The following EEF1AKMT3 variants were observed in gnomAD, a reference collection of about 807,000 sequenced individuals.
The protein encoded by EEF1AKMT3 is EEF1A lysine methyltransferase 3.
In EEF1AKMT3, 17 loss-of-function variants were observed where a neutral mutation model predicts 17.8. The observed-to-expected ratio is 0.96, with a 90% confidence interval of 0.65 to 1.43. The LOEUF (loss-of-function observed/expected upper bound fraction) is 1.43. Ranked by LOEUF, EEF1AKMT3 falls within the 40% of genes most tolerant of loss-of-function variation. EEF1AKMT3 has a pLI of 0.00. For missense variants in EEF1AKMT3, 244 were observed against 285.8 expected, an observed-to-expected ratio of 0.85 and a Z score of 1.06; for synonymous variants, 116 against 126.5, an observed-to-expected ratio of 0.92 and a Z score of 0.56.
At chr12:57,777,235 G>C (rs1409356423) in intron 2 of EEF1AKMT3, among the ~76,000 whole-genome samples, 1 of 151,970 alleles carries the variant, frequency 6.6e-6, no homozygotes, top group East Asian at 1.9e-4. Context: ...GTAATATATG[G>C]AATATAAAAT....
In EEF1AKMT3 at chr12:57,773,187, C is replaced by A; in HGVS notation, c.289+59C>A. ...GGACCCAGGGGCGCGGAGAAATGGT[C>A]ACTTCGTGGATCTTTGGGGGAGAGG... On this transcript the variant is annotated intron_variant, in intron 2 of 2. Transcript: ENST00000300209. 4 of 1,510,030 alleles carry A rather than the reference C, an allele frequency of 2.6e-6. No homozygotes were observed. In the South Asian group the frequency reaches 4.5e-5, roughly 17 times the overall value. The allele number at this position is 1,510,030 out of a possible 1,614,324, so 93.5% of individuals were successfully genotyped here.
chr12:57,780,120 CT>C, intron 2 of EEF1AKMT3, 134 bp from the exon 3 acceptor site: 1 of 1,036,726 alleles, frequency 9.6e-7, no homozygotes, highest in Non-Finnish European at 1.4e-6. Context: ...GTTGAGGCAA[CT>C]AAAAGCCAGT....
chr12:57,774,817 G>T, intron 2 of EEF1AKMT3: 1 of 1,546,944 alleles, frequency 6.5e-7, no homozygotes, highest in Non-Finnish European at 8.8e-7. Flanking sequence ...AAACACTGGA[G>T]GGTGCCGGCC....
intron 2 of EEF1AKMT3, chr12:57,774,629 G>A: frequency 7.4e-7 from 1 of 1,343,428 alleles, no homozygotes. Context: ...TCTCCCCAAG[G>A]AGCTTATGGT....
intron 2 of EEF1AKMT3, among the ~76,000 whole-genome samples, chr12:57,776,461 C>G (rs1955480800): frequency 6.6e-6 from 1 of 152,206 alleles, no homozygotes; most frequent in South Asian, 2.1e-4. Flanking sequence ...CTAATTTTAA[C>G]TTTGTTACCA....
chr12:57,776,556 G>C (rs1387796543), intron 2 of EEF1AKMT3, among the ~76,000 whole-genome samples: 3 of 152,156 alleles, frequency 2.0e-5, no homozygotes, highest in Non-Finnish European at 4.4e-5. Flanking sequence ...CTGAACAACT[G>C]TTTCTTACCT....
chr12:57,773,185 G>T (rs186688001), intron 2 of EEF1AKMT3, 57 bp downstream of exon 2: 856 of 1,521,934 alleles, frequency 5.6e-4, no homozygotes, highest in Non-Finnish European at 6.4e-4. Context: ...CGGAGAAATG[G>T]TCACTTCGTG....
intron 2 of EEF1AKMT3, among the ~76,000 whole-genome samples, chr12:57,775,105 C>CAAAAAAAAAA (rs1019116260): frequency 5.9e-5 from 2 of 33,614 alleles, no homozygotes; most frequent in Non-Finnish European, 9.6e-5. Context: ...AACGCCATCT[C>CAAAAAAAAAA]AAAAAAAAAA....
At chr12:57,776,523 C>T (rs183370844) in intron 2 of EEF1AKMT3, among the ~76,000 whole-genome samples, 12 of 152,216 alleles carry the variant, frequency 7.9e-5, no homozygotes, top group South Asian at 2.1e-4. Flanking sequence ...TACATTCTCT[C>T]GTCCACTTTT....
chr12:57,774,231 A>G (rs912837595), intron 2 of EEF1AKMT3, among the ~76,000 whole-genome samples: 4 of 152,222 alleles, frequency 2.6e-5, no homozygotes, highest in Non-Finnish European at 4.4e-5. Context: ...CTGTAATCCC[A>G]GCCCTTTGGG....
chr12:57,782,522 A>G lies in EEF1AKMT3; in HGVS notation c.*1876A>G, dbSNP rs1955523619. ...TGAATATAAATGCGCATTGAAAATAAACATAAAATGTTACCCACATTTCTT... is the reference window on the plus strand; with the variant it reads ...TGAATATAAATGCGCATTGAAAATAGACATAAAATGTTACCCACATTTCTT... On this transcript the variant is annotated 3_prime_UTR_variant, in exon 3 of 3. Transcript: ENST00000300209. 2 of 459,918 alleles carry G rather than the reference A, an allele frequency of 4.3e-6. No individual in the cohort carries two copies. The highest frequency in any genetic ancestry group is 7.8e-5 in the South Asian group (2 of 25,668). 28.5% of individuals were successfully genotyped at this position (459,918 alleles called of 1,614,324 possible). A position where few individuals can be genotyped will look rare whatever the true frequency, so the allele number is the denominator to read the frequency against.
chr12:57,779,991 C>T lies in EEF1AKMT3; in HGVS notation c.290-264C>T, dbSNP rs143968372. 1.4e-3 allele frequency among the ~76,000 whole-genome samples: 217 copies of T among 152,316 alleles called. 6 individuals are homozygous for T. The East Asian group carries it at 0.035, about 25-fold the overall frequency. The stretch of plus-strand genomic sequence containing the variant: ...GAACCCATCTCCAGCTTAGTCCTGC[C>T]CAGGCTTCTGCTGACATCTGATTGT... On this transcript the variant is annotated intron_variant, in intron 2 of 2. Transcript: ENST00000300209.
rs1353990902 is a variant in EEF1AKMT3, at chr12:57,781,160, G to A, written c.*514G>A. 1 of 154,660 alleles carries A rather than the reference G, an allele frequency of 6.5e-6. No homozygotes were observed. Among genetic ancestry groups the A allele is most frequent in the African/African-American group, 2.5e-5 (1 of 40,644 alleles). The allele number at this position is 154,660 out of a possible 1,614,324, so 9.6% of individuals were successfully genotyped here. On this transcript the variant is annotated 3_prime_UTR_variant, in exon 3 of 3. Transcript: ENST00000300209. ...TGCAGCCTCAACCTCTGAAGGCCCA[G>A]ATGATCTTCCTGCCTCAGCTCCCCA...
intron 2 of EEF1AKMT3, among the ~76,000 whole-genome samples, chr12:57,776,814 C>A (rs1313837007): frequency 6.6e-6 from 1 of 152,014 alleles, no homozygotes; most frequent in Non-Finnish European, 1.5e-5. Context: ...CCATGCCTGG[C>A]TAATTTTTGT....
intron 2 of EEF1AKMT3, among the ~76,000 whole-genome samples, chr12:57,779,360 G>A (rs931261971): frequency 2.0e-4 from 31 of 151,958 alleles, no homozygotes; most frequent in African/African-American, 7.5e-4. Flanking sequence ...CTTGCCACTG[G>A]ACCATAAGCT....
At chr12:57,774,833 C>T (rs1035350668) in intron 2 of EEF1AKMT3, 12 of 1,474,380 alleles carry the variant, frequency 8.1e-6, no homozygotes, top group East Asian at 7.5e-5. Context: ...CGGCCGGGCT[C>T]GGTGGCTCAT....
At chr12:57,779,721 G>C (rs916385517) in intron 2 of EEF1AKMT3, among the ~76,000 whole-genome samples, 4 of 152,182 alleles carry the variant, frequency 2.6e-5, no homozygotes, top group Admixed American at 2.0e-4. Flanking sequence ...TTCTTAGCAT[G>C]TCATAATCAC....
chr12:57,778,293 C>CTTTTTTTT (rs56919999), intron 2 of EEF1AKMT3, among the ~76,000 whole-genome samples: 1 of 43,994 alleles, frequency 2.3e-5, no homozygotes, highest in African/African-American at 8.1e-5. Context: ...CCATCCTGAG[C>CTTTTTTTT]TTTTTTTTTT....
Position 57,778,307 on chromosome 12 carries a change from T to TTTTTTTTTTTTTTTC in EEF1AKMT3, c.290-1947_290-1946insTTTTTTTTTTTTTCT, listed in dbSNP as rs536788916. ...ACCATCCTGAGCTTTTTTTTTTTTT[T>TTTTTTTTTTTTTTTC]TGAGACAGGTTCTCACTCTGTTGCC... is the stretch of plus-strand genomic sequence containing the variant. On this transcript the variant is annotated intron_variant, in intron 2 of 2. Transcript: ENST00000300209. Among the ~76,000 whole-genome samples the TTTTTTTTTTTTTTTC allele has an allele frequency of 5.1e-4, 54 of 105,368 alleles. 20 individuals are homozygous for TTTTTTTTTTTTTTTC. The South Asian group carries it at 9.4e-3, about 18-fold the overall frequency. 69.1% of individuals were successfully genotyped at this position (105,368 alleles called of 152,430 possible). A position where few individuals can be genotyped will look rare whatever the true frequency, so the allele number is the denominator to read the frequency against.
Sources: allele counts gnomAD v4.1 joint callset (sites outside exome capture counted in the v4.1 genomes callset), GRCh38; gene constraint gnomAD v4.1.1; transcripts MANE v1.5; gene names NCBI Gene and HGNC (gene_info 2026-07-23, HGNC 2026-07-21).